Variants in HIVEP1 observed in about 807,000 individuals in gnomAD.
HIVEP1 encodes the protein zinc finger protein 40.
Under a neutral mutation model 180.0 loss-of-function variants are expected in HIVEP1, and 36 were observed. The ratio of observed to expected loss-of-function variants is 0.20; its 90% confidence interval spans 0.15 to 0.26. The LOEUF is 0.26. HIVEP1 is among the 10% of genes least tolerant of loss of function. The probability of loss-of-function intolerance (pLI) is 1.00; values close to 1 mark genes in which losing one functional copy is unlikely to be tolerated. For missense variants in HIVEP1, 3,143 were observed against 3,268.7 expected, an observed-to-expected ratio of 0.96 and a Z score of 0.94; for synonymous variants, 1,239 against 1,239.0, an observed-to-expected ratio of 1.00 and a Z score of 0.00.
At chr6:12,205,268 G>A in the HIVEP1 span, among the ~76,000 whole-genome samples, 5 of 152,094 alleles carry the variant, frequency 3.3e-5, no homozygotes, top group African/African-American at 7.2e-5. Context: ...TCGGGATATC[G>A]AGACCATCCT....
chr6:12,141,948 C>A lies in HIVEP1; in HGVS notation c.6487+6056C>A, dbSNP rs1037264673. On this transcript the variant is annotated intron_variant, in intron 7 of 8. Transcript: ENST00000379388. ...ACAATAATAATGGGAGACTTTAACA[C>A]CCCACTGTCAGTATTAGACAGATCA... Among the ~76,000 whole-genome samples, 16 of 152,144 alleles carry A rather than the reference C, an allele frequency of 1.1e-4. 1 individual carries two copies. Among genetic ancestry groups the A allele is most frequent in the African/African-American group, 3.9e-4 (16 of 41,490 alleles).
chr6:12,108,743 G>T (rs377509470), intron 3 of HIVEP1, among the ~76,000 whole-genome samples: 1 of 152,170 alleles, frequency 6.6e-6, no homozygotes, highest in Non-Finnish European at 1.5e-5. Flanking sequence ...AGCGCCGCGC[G>T]CACCCCCGGT....
At chr6:12,017,578 C>T (rs1472606763) in intron 2 of HIVEP1, among the ~76,000 whole-genome samples, 1 of 152,030 alleles carries the variant, frequency 6.6e-6, no homozygotes, top group Non-Finnish European at 1.5e-5. Context: ...TCCCGTCTGG[C>T]CCCACCCACA....
intron 4 of HIVEP1, among the ~76,000 whole-genome samples, chr6:12,129,398 T>C (rs546670975): frequency 6.6e-6 from 1 of 152,250 alleles, no homozygotes; most frequent in African/African-American, 2.4e-5. Context: ...CTTTAAGAAA[T>C]GTACTTAAAT....
chr6:12,164,046 C>G lies in HIVEP1; in HGVS notation c.7742C>G (p.Thr2581Arg). 4 of 1,614,142 alleles carry G rather than the reference C, an allele frequency of 2.5e-6. No individual in the cohort carries two copies. Among genetic ancestry groups the G allele is most frequent in the Non-Finnish European group, 3.4e-6 (4 of 1,180,044 alleles). The change falls in exon 9 of 9, where the codon ACA (threonine) becomes AGA (arginine). Residue 2581 changes from threonine to arginine, a missense_variant. Coordinates refer to ENST00000379388, the MANE Select transcript of HIVEP1 (RefSeq NM_002114.4). ...GCTTCCCAAAGCAAAGCATGCGAGACACAACCCAAGCAGACTTCTGTAGCC... is the reference window on the plus strand; with the variant it reads ...GCTTCCCAAAGCAAAGCATGCGAGAGACAACCCAAGCAGACTTCTGTAGCC... ...MPASQSKACE[T>R]QPKQTSVASA...
chr6:12,168,359 A>G (rs953813417), downstream of HIVEP1, among the ~76,000 whole-genome samples: 14 of 100,434 alleles, frequency 1.4e-4, no homozygotes, highest in South Asian at 3.3e-3. Flanking sequence ...ATATGTATAT[A>G]TTATATACAT....
chr6:12,078,539 A>G (rs2327509), intron 2 of HIVEP1, among the ~76,000 whole-genome samples: 34,609 of 151,238 alleles, frequency 0.23, 4,497 homozygotes, highest in East Asian at 0.47. Flanking sequence ...AGTTCACTAC[A>G]CTTAGTGGCT....
At chr6:12,098,087 T>C (rs902131632) in intron 3 of HIVEP1, among the ~76,000 whole-genome samples, 9 of 152,220 alleles carry the variant, frequency 5.9e-5, no homozygotes, top group African/African-American at 2.2e-4. Context: ...ACAATGATTT[T>C]ATGCATCCTT....
intron 3 of HIVEP1, among the ~76,000 whole-genome samples, chr6:12,101,063 T>C (rs185743330): frequency 3.3e-5 from 5 of 152,358 alleles, no homozygotes; most frequent in African/African-American, 1.2e-4. Context: ...AACCATACTG[T>C]ACAACATTAG....
chr6:12,047,053 G>T (rs1295174650), intron 2 of HIVEP1, among the ~76,000 whole-genome samples: 1 of 151,928 alleles, frequency 6.6e-6, no homozygotes, highest in African/African-American at 2.4e-5. Flanking sequence ...TAGAGACGGG[G>T]TTTCACCATG....
chr6:12,105,505 A>G (rs2113419074), intron 3 of HIVEP1, among the ~76,000 whole-genome samples: 1 of 152,268 alleles, frequency 6.6e-6, no homozygotes, highest in Admixed American at 6.5e-5. Flanking sequence ...AATTGCCTTC[A>G]AGCTGATCAT....
chr6:12,128,211 T>C (rs1415165083), intron 4 of HIVEP1, among the ~76,000 whole-genome samples: 1 of 152,238 alleles, frequency 6.6e-6, no homozygotes, highest in Non-Finnish European at 1.5e-5. Context: ...AAGGAAGGTG[T>C]GTGCATATAT....
chr6:12,126,641 T>G (rs1483172883), intron 4 of HIVEP1, among the ~76,000 whole-genome samples: 2 of 152,174 alleles, frequency 1.3e-5, no homozygotes, highest in Non-Finnish European at 2.9e-5. Flanking sequence ...TTCATAAGCA[T>G]GCAACACAGG....
In HIVEP1 at chr6:12,124,567, G is replaced by C. The variant is rs1157175282; in HGVS notation, c.4772G>C (p.Gly1591Ala). The C allele has an allele frequency of 6.2e-7, 1 of 1,614,002 alleles. No individual in the cohort carries two copies. Among genetic ancestry groups the C allele is most frequent in the Admixed American group, 1.7e-5 (1 of 60,018 alleles). Residue 1591 changes from glycine (G) to alanine (A), a missense_variant, in exon 4 of 9, where the codon GGA becomes GCA. Physicochemically the swap from Gly to Ala is moderately conservative, Grantham distance 60. Around this residue, in one of 12 missense-constraint regions of HIVEP1, gnomAD observed 1,357 missense variants for 1,260.5 expected, o/e 1.08. Coordinates refer to ENST00000379388, the MANE Select transcript of HIVEP1 (RefSeq NM_002114.4). ...LPNQVISDPV[G>A]TDHCVTSATL... ...AATCAAGTTATTTCAGATCCAGTTGGAACAGATCATTGTGTGACATCAGCA... is the reference window on the plus strand; with the variant it reads ...AATCAAGTTATTTCAGATCCAGTTGCAACAGATCATTGTGTGACATCAGCA...
chr6:12,135,839 T>C lies in HIVEP1; in HGVS notation c.6434T>C (p.Val2145Ala), dbSNP rs573993457. The C allele has an allele frequency of 1.1e-5, 17 of 1,613,072 alleles. No homozygotes were observed. In the South Asian group the frequency reaches 1.9e-4, roughly 18 times the overall value. The change falls in exon 7 of 9, where the codon GTG (valine) becomes GCG (alanine). Residue 2145 changes from valine to alanine, a missense_variant. Physicochemically the swap from Val to Ala is moderately conservative, Grantham distance 64. Around this residue, in one of 12 missense-constraint regions of HIVEP1, gnomAD observed 126 missense variants for 168.5 expected, o/e 0.75. Transcript: ENST00000379388. ...MKSKAHSKKC[V>A]DLGVSVGLID... The stretch of plus-strand genomic sequence containing the variant: ...TCCAAGGCACATAGCAAGAAATGTG[T>C]GGATTTAGGCGTCTCAGTAGGTTTA...
At chr6:12,052,964 G>A (rs1313385208) in intron 2 of HIVEP1, among the ~76,000 whole-genome samples, 1 of 152,126 alleles carries the variant, frequency 6.6e-6, no homozygotes, top group African/African-American at 2.4e-5. Flanking sequence ...CTTGGGGTTG[G>A]GCGGGGATTC....
chr6:12,120,167 A>G lies in HIVEP1; in HGVS notation c.372A>G (p.Lys124=). 6.2e-7 allele frequency: 1 copy of G among 1,614,204 alleles called. No individual in the cohort carries two copies. The highest frequency in any genetic ancestry group is 1.3e-5 in the African/African-American group (1 of 75,064). ...ETPGIIAEAS[K]SEESVSPKKP... is the part of the protein sequence containing the mutation. ...CTGGAATAATTGCTGAAGCCTCAAA[A>G]TCTGAAGAATCTGTCTCCCCAAAGA... Residue 124 remains lysine (K), a synonymous_variant, in exon 4 of 9, where the codon AAA becomes AAG. Transcript: ENST00000379388.
the HIVEP1 span, among the ~76,000 whole-genome samples, chr6:12,174,689 A>G: frequency 6.6e-6 from 1 of 152,206 alleles, no homozygotes; most frequent in East Asian, 1.9e-4. Flanking sequence ...AAACATTTCA[A>G]GTTTCTGCTA....
intron 2 of HIVEP1, among the ~76,000 whole-genome samples, chr6:12,036,490 C>A (rs940483812): frequency 5.9e-5 from 9 of 152,164 alleles, no homozygotes; most frequent in African/African-American, 2.2e-4. Context: ...TGTGACTCTT[C>A]AGTTAATTCA....
Sources: gnomAD v4.1 joint callset for allele counts (sites outside exome capture counted in the v4.1 genomes callset) on GRCh38, gnomAD v4.1.1 for gene constraint, gnomAD v4.1.1 regional missense constraint, MANE v1.5 for transcripts, NCBI Gene and HGNC (gene_info 2026-07-23, HGNC 2026-07-21) for gene names.